Variants in ICE1 observed in about 807,000 individuals in gnomAD.
ICE1 encodes interactor of little elongation complex ELL subunit 1.
A neutral mutation model predicts 192.7 loss-of-function variants in ICE1; 64 were observed. The ratio of observed to expected loss-of-function variants is 0.33; its 90% CI spans 0.27 to 0.41. The LOEUF is 0.41. ICE1 is among the 10% of genes least tolerant of loss of function. ICE1 has a pLI of 1.00. For synonymous variants in ICE1, 1,010 were observed against 984.5 expected (o/e 1.03, Z -0.49); for missense variants, 2,708 against 2,696.0 (o/e 1.00, Z -0.10).
intron 5 of ICE1, among the ~76,000 whole-genome samples, chr5:5,442,225 A>C (rs557477030): frequency 6.6e-6 from 1 of 152,346 alleles, no homozygotes; most frequent in East Asian, 1.9e-4. Context: ...GCATGAGCCA[A>C]GTAGCAGCCA....
In ICE1 at chr5:5,466,465, A is replaced by C; in HGVS notation, c.6024A>C (p.Glu2008Asp). The C allele has an allele frequency of 6.2e-7, 1 of 1,612,740 alleles. No individual in the cohort carries two copies. The highest frequency in any genetic ancestry group is 1.1e-5 in the South Asian group (1 of 90,678). Residue 2008 changes from glutamate to aspartate, a missense_variant, in exon 14 of 19, where the codon GAA becomes GAC. Glu to Asp is a conservative substitution (Grantham distance 45). Around this residue, in one of 2 missense-constraint regions of ICE1, gnomAD observed 342 missense variants for 419.3 expected, o/e 0.82. Coordinates refer to ENST00000296564, the MANE Select transcript of ICE1 (RefSeq NM_015325.3). ...VGICRQLGDL[E>D]RARLFCYSLL... ...TTTGTCGGCAACTCGGAGACTTGGA[A>C]AGAGCTCGTTTGTTTTGCTACAGCC... is the stretch of plus-strand genomic sequence containing the variant.
chr5:5,432,320 A>G (rs980336750), intron 1 of ICE1, among the ~76,000 whole-genome samples: 2 of 152,242 alleles, frequency 1.3e-5, no homozygotes, highest in African/African-American at 4.8e-5. Context: ...TTCACTTAGC[A>G]TAATGTTTCA....
rs78555933 is a variant in ICE1 at position 5,435,259 on chromosome 5, A to G, written c.85-1159A>G. ...GGTGAGATTACAAGAGAAACTATGC[A>G]TTTGACTTTATTTTAATGTGTAGAT... is the stretch of plus-strand genomic sequence containing the variant. On this transcript the variant is annotated intron_variant, in intron 1 of 18. Transcript: ENST00000296564. Among the ~76,000 whole-genome samples the G allele has an allele frequency of 6.7e-3, 1,017 of 152,356 alleles. 2 individuals are homozygous for G. Among genetic ancestry groups the G allele is most frequent in the Middle Eastern group, 0.01 (3 of 294 alleles).
At chr5:5,460,381 A>T in intron 12 of ICE1, 55 bp from the exon 13 acceptor site, 3 of 1,036,996 alleles carry the variant, frequency 2.9e-6, no homozygotes, top group Non-Finnish European at 4.2e-6. Context: ...TTTAATTGAT[A>T]GTCATGTTAA....
At chr5:5,471,616 A>G (rs999503584) in intron 15 of ICE1, among the ~76,000 whole-genome samples, 3 of 152,168 alleles carry the variant, frequency 2.0e-5, no homozygotes, top group Non-Finnish European at 4.4e-5. Flanking sequence ...CTGATAAAAC[A>G]AGGAGAATTC....
chr5:5,455,034 A>T (rs1429297367), intron 11 of ICE1, among the ~76,000 whole-genome samples: 2 of 152,172 alleles, frequency 1.3e-5, no homozygotes, highest in African/African-American at 2.4e-5. Flanking sequence ...TCAGAGTATC[A>T]TGGGGGCATT....
At chr5:5,473,843 T>G in intron 16 of ICE1, 95 bp downstream of exon 16, 1 of 846,362 alleles carries the variant, frequency 1.2e-6, no homozygotes. Context: ...GTCGTTTAAG[T>G]GTGTAAGGCA....
chr5:5,485,034 G>A (rs750459001), intron 17 of ICE1, among the ~76,000 whole-genome samples: 4 of 151,992 alleles, frequency 2.6e-5, no homozygotes, highest in Non-Finnish European at 5.9e-5. Flanking sequence ...GAGTGTAGGG[G>A]AATGGGGGGA....
intron 5 of ICE1, 142 bp downstream of exon 5, chr5:5,441,365 G>A: frequency 1.7e-6 from 1 of 597,848 alleles, no homozygotes; most frequent in Non-Finnish European, 3.0e-6. Flanking sequence ...TAGCTTTAGA[G>A]AACATTGAAC....
At chr5:5,468,537 AAAAACCTATGTAATGTAATAC>A (rs1159619085) in intron 14 of ICE1, among the ~76,000 whole-genome samples, 1 of 152,262 alleles carries the variant, frequency 6.6e-6, no homozygotes, top group Non-Finnish European at 1.5e-5. Context: ...TGTAATGCAT[AAAAACCTATGTAATGTAATAC>A]AAAACCTATG....
intron 7 of ICE1, among the ~76,000 whole-genome samples, chr5:5,445,794 G>A (rs906043089): frequency 1.3e-5 from 2 of 150,654 alleles, no homozygotes; most frequent in South Asian, 2.1e-4. Flanking sequence ...GTGCAGTGGC[G>A]TGATCTCGGC....
intron 7 of ICE1, among the ~76,000 whole-genome samples, chr5:5,445,933 G>A (rs1259474441): frequency 6.6e-6 from 1 of 151,940 alleles, no homozygotes; most frequent in Admixed American, 6.6e-5. Flanking sequence ...TGGCCAGGCT[G>A]GTCTTGAACT....
At chr5:5,480,348 T>C (rs1293266173) in intron 17 of ICE1, among the ~76,000 whole-genome samples, 5 of 151,380 alleles carry the variant, frequency 3.3e-5, no homozygotes, top group African/African-American at 9.7e-5. Flanking sequence ...CTCCCGGGTT[T>C]GCGCCATTCT....
intron 18 of ICE1, 148 bp from the exon 19 acceptor site, chr5:5,489,001 T>A: frequency 1.4e-6 from 1 of 708,388 alleles, no homozygotes; most frequent in Non-Finnish European, 2.3e-6. Flanking sequence ...CTTAAATGAA[T>A]TTTTTTACTG....
chr5:5,477,641 G>A (rs1739356019), intron 17 of ICE1, among the ~76,000 whole-genome samples: 1 of 152,172 alleles, frequency 6.6e-6, no homozygotes, highest in African/African-American at 2.4e-5. Context: ...ATTTTATGAG[G>A]CCAGCATCAT....
intron 15 of ICE1, 118 bp from the exon 16 acceptor site, chr5:5,473,440 A>G: frequency 1.2e-6 from 1 of 856,322 alleles, no homozygotes; most frequent in Non-Finnish European, 1.8e-6. Flanking sequence ...TGTTTTAAAA[A>G]GCTATTTCAG....
intron 17 of ICE1, among the ~76,000 whole-genome samples, chr5:5,484,874 A>AC (rs1204610379): frequency 2.0e-5 from 3 of 152,178 alleles, no homozygotes; most frequent in African/African-American, 7.2e-5. Flanking sequence ...ACAATATGAT[A>AC]CTGTTGTAAA....
In ICE1 at chr5:5,431,085, G is replaced by A. The variant is rs186166290; in HGVS notation, c.85-5333G>A. Among the ~76,000 whole-genome samples, 5 of 152,236 alleles carry A rather than the reference G, an allele frequency of 3.3e-5. No homozygotes were observed. In the East Asian group the frequency reaches 9.7e-4, roughly 29 times the overall value. ...CCAAGGTCACTTAGCAGAAAGTGGG[G>A]GTGGAATAGGAATGTGAATCTGACT... On this transcript the variant is annotated intron_variant, in intron 1 of 18. Coordinates refer to ENST00000296564, the MANE Select transcript of ICE1 (RefSeq NM_015325.3).
chr5:5,425,797 A>G (rs1235160483), intron 1 of ICE1, among the ~76,000 whole-genome samples: 1 of 152,154 alleles, frequency 6.6e-6, no homozygotes, highest in Non-Finnish European at 1.5e-5. Flanking sequence ...AGGTATGGTA[A>G]ATTATTTTAC....
Sources: gnomAD v4.1 joint callset for allele counts (sites outside exome capture counted in the v4.1 genomes callset) on GRCh38, gnomAD v4.1.1 for gene constraint, gnomAD v4.1.1 regional missense constraint, MANE v1.5 for transcripts, NCBI Gene and HGNC (gene_info 2026-07-23, HGNC 2026-07-21) for gene names.